MAGI2: variants seen among roughly 807,000 people sequenced by gnomAD.
MAGI2 encodes membrane associated guanylate kinase, WW and PDZ domain containing 2.
In MAGI2, 35 loss-of-function variants were observed where a neutral mutation model predicts 133.3. The ratio of observed to expected loss-of-function variants is 0.26; its 90% CI spans 0.20 to 0.35. The LOEUF (loss-of-function observed/expected upper bound fraction) is 0.35, where lower values mean the gene tolerates loss of function less well. Among genes scored for constraint, MAGI2 ranks in the 10% least tolerant of loss-of-function variants. The pLI is 1.00. For synonymous variants in MAGI2, 729 were observed against 710.6 expected, an observed-to-expected ratio of 1.03 and a Z score of -0.41; for missense variants, 1,636 against 1,863.4, an observed-to-expected ratio of 0.88 and a Z score of 2.25.
intron 1 of MAGI2, among the ~76,000 whole-genome samples, chr7:79,158,838 T>G (rs1339822519): frequency 1.3e-5 from 2 of 152,090 alleles, no homozygotes; most frequent in Admixed American, 1.3e-4. Flanking sequence ...TGTCATAATT[T>G]AGAATCTAAT....
intron 9 of MAGI2, among the ~76,000 whole-genome samples, chr7:78,286,654 G>T (rs763640316): frequency 4.6e-5 from 7 of 152,028 alleles, no homozygotes; most frequent in Non-Finnish European, 8.8e-5. Flanking sequence ...AGGGCTGTGG[G>T]GGCATGTCTG....
chr7:78,469,421 A>T (rs1310916101), intron 6 of MAGI2, among the ~76,000 whole-genome samples: 1 of 152,182 alleles, frequency 6.6e-6, no homozygotes, highest in Non-Finnish European at 1.5e-5. Flanking sequence ...TCCACTTAAC[A>T]TCATGTTTCT....
At chr7:79,335,158 T>C (rs1840349352) in intron 1 of MAGI2, among the ~76,000 whole-genome samples, 1 of 152,132 alleles carries the variant, frequency 6.6e-6, no homozygotes, top group Non-Finnish European at 1.5e-5. Context: ...CATGAAGATA[T>C]TCTGAAGATT....
Position 78,653,430 on chromosome 7 carries a change from T to C in MAGI2, c.419-26191A>G, listed in dbSNP as rs540552190. Among the ~76,000 whole-genome samples the C allele has an allele frequency of 5.3e-5, 8 of 152,218 alleles. No homozygotes were observed. The South Asian group carries it at 8.3e-4, about 16-fold the overall frequency. ...CTGGATAAAGAAAATGTGGCACATATACATTATGGAATACTATCCAGACAT... is the reference window on the plus strand; with the variant it reads ...CTGGATAAAGAAAATGTGGCACATACACATTATGGAATACTATCCAGACAT... On this transcript the variant is annotated intron_variant, in intron 2 of 21. Transcript: ENST00000354212.
chr7:79,230,285 C>A (rs1419488877), intron 1 of MAGI2, among the ~76,000 whole-genome samples: 28 of 151,910 alleles, frequency 1.8e-4, no homozygotes, highest in Middle Eastern at 3.4e-3. Flanking sequence ...AGCATGATTT[C>A]TAGTCCTTTG....
chr7:78,599,198 T>TAC (rs1283340219), intron 3 of MAGI2, among the ~76,000 whole-genome samples: 1 of 152,134 alleles, frequency 6.6e-6, no homozygotes, highest in Non-Finnish European at 1.5e-5. Flanking sequence ...GACCATTCCA[T>TAC]ACACACACAC....
chr7:78,054,589 C>CTTTTTT lies in MAGI2; in HGVS notation c.3706+24352_3706+24357dup, dbSNP rs3972364. ...TTAAGCCCCTTCATTCATAGGCATA[C>CTTTTTT]TTTTTTTTTTTTTTCCTGAAAGACC... On this transcript the variant is annotated intron_variant, in intron 21 of 21. Transcript: ENST00000354212. Among the ~76,000 whole-genome samples, 401 of 141,818 alleles carry CTTTTTT rather than the reference C, an allele frequency of 2.8e-3. 1 individual carries two copies. The highest frequency in any genetic ancestry group is 8.7e-3 in the African/African-American group (328 of 37,514). 93.0% of individuals were successfully genotyped at this position (141,818 alleles called of 152,430 possible).
intron 2 of MAGI2, among the ~76,000 whole-genome samples, chr7:78,888,418 G>A (rs1796447139): frequency 6.6e-6 from 1 of 152,200 alleles, no homozygotes; most frequent in African/African-American, 2.4e-5. Context: ...TCTGAGAATG[G>A]ACAGACTGCC....
chr7:79,116,321 A>C (rs1466168589), intron 1 of MAGI2, among the ~76,000 whole-genome samples: 1 of 152,144 alleles, frequency 6.6e-6, no homozygotes, highest in Non-Finnish European at 1.5e-5. Context: ...ACCCTCTAGC[A>C]CATGTTGCTT....
At chr7:79,387,568 G>T (rs994855913) in intron 1 of MAGI2, among the ~76,000 whole-genome samples, 2 of 151,778 alleles carry the variant, frequency 1.3e-5, no homozygotes, top group Non-Finnish European at 1.5e-5. Context: ...CTGCAATTTT[G>T]GTCCCTACTC....
At chr7:78,434,950 T>C (rs1800140656) in intron 6 of MAGI2, among the ~76,000 whole-genome samples, 1 of 152,148 alleles carries the variant, frequency 6.6e-6, no homozygotes, top group Admixed American at 6.6e-5. Flanking sequence ...TAGGGCCCGC[T>C]GCCTCCTATC....
chr7:79,385,258 A>C (rs1032179486), intron 1 of MAGI2, among the ~76,000 whole-genome samples: 2 of 151,866 alleles, frequency 1.3e-5, no homozygotes, highest in Admixed American at 1.3e-4. Context: ...GGCTGTAATA[A>C]AAAACATAAG....
intron 10 of MAGI2, among the ~76,000 whole-genome samples, chr7:78,240,120 C>T (rs757271029): frequency 6.6e-6 from 1 of 152,160 alleles, no homozygotes; most frequent in Non-Finnish European, 1.5e-5. Flanking sequence ...TCTCCTAATG[C>T]TATCCCTCCT....
At chr7:79,076,097 C>A (rs886713072) in intron 1 of MAGI2, among the ~76,000 whole-genome samples, 2 of 152,132 alleles carry the variant, frequency 1.3e-5, no homozygotes, top group Non-Finnish European at 2.9e-5. Context: ...ATGGAGCAAC[C>A]TTTCATACTC....
intron 2 of MAGI2, among the ~76,000 whole-genome samples, chr7:78,746,441 T>A (rs1284236379): frequency 6.6e-6 from 1 of 152,192 alleles, no homozygotes; most frequent in Non-Finnish European, 1.5e-5. Flanking sequence ...GCTGCTCAGT[T>A]ACAGGAGCTT....
intron 5 of MAGI2, among the ~76,000 whole-genome samples, chr7:78,494,884 C>T (rs1162400335): frequency 1.3e-5 from 2 of 152,124 alleles, no homozygotes; most frequent in Non-Finnish European, 2.9e-5. Context: ...AATGGTATTT[C>T]CCAGCCTCCC....
At chr7:79,040,316 G>T (rs1225142851) in intron 1 of MAGI2, among the ~76,000 whole-genome samples, 1 of 152,032 alleles carries the variant, frequency 6.6e-6, no homozygotes, top group Non-Finnish European at 1.5e-5. Context: ...TCTGAACTGT[G>T]AGTCAATTAA....
At chr7:79,406,089 T>G (rs1585863889) in intron 1 of MAGI2, among the ~76,000 whole-genome samples, 1 of 152,208 alleles carries the variant, frequency 6.6e-6, no homozygotes, top group East Asian at 1.9e-4. Context: ...GTTAATAACC[T>G]CAAAGTTTCC....
intron 1 of MAGI2, among the ~76,000 whole-genome samples, chr7:79,133,162 A>G (rs190414348): frequency 2.0e-5 from 3 of 152,104 alleles, no homozygotes; most frequent in Admixed American, 1.3e-4. Flanking sequence ...ATTCAGTCCC[A>G]TTTATTTATT....
Sources: allele counts gnomAD v4.1 joint callset (sites outside exome capture counted in the v4.1 genomes callset), GRCh38; gene constraint gnomAD v4.1.1; transcripts MANE v1.5; gene names NCBI Gene and HGNC (gene_info 2026-07-23, HGNC 2026-07-21).